The following UGT1A7 variants were observed in gnomAD, a reference collection of about 807,000 sequenced individuals.
The protein encoded by UGT1A7 is UDP-glucuronosyltransferase 1A7.
In UGT1A7, 33 loss-of-function variants were observed where a neutral mutation model predicts 45.6. That is an observed-to-expected ratio of 0.72 (90% CI 0.55 to 0.97). The LOEUF (loss-of-function observed/expected upper bound fraction) is 0.97. Among genes scored for constraint, UGT1A7 ranks in the 50% least tolerant of loss-of-function variants. The probability of loss-of-function intolerance (pLI) is 0.00; values close to 1 mark genes in which losing one functional copy is unlikely to be tolerated. For synonymous variants in UGT1A7, 274 were observed against 250.6 expected (o/e 1.09, Z -0.88); for missense variants, 684 against 666.2 (o/e 1.03, Z -0.29).
intron 1 of UGT1A7, among the ~76,000 whole-genome samples, chr2:233,740,002 A>AAGTG (rs1284523350): frequency 6.6e-6 from 1 of 151,788 alleles, no homozygotes; most frequent in Admixed American, 6.5e-5. Context: ...TTGTCATACT[A>AAGTG]AGTGAGTTCT....
At chr2:233,739,813 T>G (rs1439144869) in intron 1 of UGT1A7, among the ~76,000 whole-genome samples, 1 of 151,900 alleles carries the variant, frequency 6.6e-6, no homozygotes, top group Non-Finnish European at 1.5e-5. Context: ...GCATGATTGG[T>G]TTTTAAATGT....
intron 1 of UGT1A7, among the ~76,000 whole-genome samples, chr2:233,724,330 C>T (rs1214568164): frequency 2.8e-4 from 34 of 121,600 alleles, no homozygotes; most frequent in South Asian, 1.2e-3. Context: ...GCTGGCCAGG[C>T]GGGGGGCTGA....
At chr2:233,724,277 C>G (rs1162056701) in intron 1 of UGT1A7, among the ~76,000 whole-genome samples, 11 of 115,820 alleles carry the variant, frequency 9.5e-5, no homozygotes, top group African/African-American at 3.2e-4. Context: ...GGCGGCTGGC[C>G]GGGCGGGGGG....
In UGT1A7 at chr2:233,682,799, T is replaced by A. The variant is rs749393372; in HGVS notation, c.855+7T>A. On this transcript the variant is annotated splice_region_variant and intron_variant, in intron 1 of 4. Transcript: ENST00000373426. ...GGGAAAGCCAGTGCCTATGGTAAGT[T>A]ATCTCCCCTTTAGCACATTAAGAAT... 6.2e-7 allele frequency: 1 copy of A among 1,609,822 alleles called. No homozygotes were observed.
At chr2:233,730,798 G>T (rs772379862) in intron 1 of UGT1A7, among the ~76,000 whole-genome samples, 4 of 152,122 alleles carry the variant, frequency 2.6e-5, no homozygotes, top group Non-Finnish European at 5.9e-5. Flanking sequence ...AGTGATGAAT[G>T]GACATGCGTC....
At chr2:233,726,721 T>C (rs17864697) in intron 1 of UGT1A7, among the ~76,000 whole-genome samples, 20,956 of 152,216 alleles carry the variant, frequency 0.14, 1,603 homozygotes, top group East Asian at 0.2. Context: ...GGAAGTACAA[T>C]GTAGATACTT....
At chr2:233,757,782 T>A (rs935250846) in intron 1 of UGT1A7, among the ~76,000 whole-genome samples, 4 of 151,680 alleles carry the variant, frequency 2.6e-5, no homozygotes, top group Admixed American at 6.6e-5. Context: ...AGCCTGTCAT[T>A]CTGATTTGAT....
intron 1 of UGT1A7, among the ~76,000 whole-genome samples, chr2:233,685,381 G>C (rs1450820736): frequency 1.3e-5 from 2 of 152,102 alleles, no homozygotes; most frequent in Non-Finnish European, 2.9e-5. Flanking sequence ...CACTTTTCTT[G>C]ACTTGTTGGT....
At chr2:233,683,478 T>G (rs1291530429) in intron 1 of UGT1A7, among the ~76,000 whole-genome samples, 1 of 152,124 alleles carries the variant, frequency 6.6e-6, no homozygotes, top group Non-Finnish European at 1.5e-5. Context: ...TATTTTCATA[T>G]TTTTGCTTTT....
intron 1 of UGT1A7, chr2:233,718,844 C>G (rs1382357882): frequency 6.2e-7 from 1 of 1,613,706 alleles, no homozygotes; most frequent in Non-Finnish European, 8.5e-7. Flanking sequence ...TCCAGGTTCC[C>G]CTGCCGCGGC....
chr2:233,729,701 C>G, intron 1 of UGT1A7: 1 of 1,613,960 alleles, frequency 6.2e-7, no homozygotes. Flanking sequence ...AACCCTTCCT[C>G]CTATATTCCT....
intron 1 of UGT1A7, among the ~76,000 whole-genome samples, chr2:233,699,292 C>T (rs2075496575): frequency 6.6e-6 from 1 of 152,182 alleles, no homozygotes; most frequent in African/African-American, 2.4e-5. Context: ...GATGCTGGGA[C>T]ACTCTTATGC....
Position 233,769,129 on chromosome 2 carries a change from C to T in UGT1A7, c.1295+690C>T, listed in dbSNP as rs1228379721. Among the ~76,000 whole-genome samples, 1 of 152,120 alleles carries T rather than the reference C, an allele frequency of 6.6e-6. No homozygotes were observed. The highest frequency in any genetic ancestry group is 1.9e-4 in the East Asian group (1 of 5,198). On this transcript the variant is annotated intron_variant, in intron 4 of 4. Coordinates refer to ENST00000373426, the MANE Select transcript of UGT1A7 (RefSeq NM_019077.3). This position sits in a 1 kb window ranked among gnomAD's most constrained non-coding sequence, Gnocchi z 4.4. ...AAAACAACTCAAATGCTTAGAAGTA[C>T]AGCTTTTTGCAGCACTGGAACCTGT...
At chr2:233,768,734 C>T (rs1487456172) in intron 4 of UGT1A7, among the ~76,000 whole-genome samples, 1 of 151,720 alleles carries the variant, frequency 6.6e-6, no homozygotes, top group Non-Finnish European at 1.5e-5. Context: ...AGGTGTCCAC[C>T]ACCACGCCCG....
At chr2:233,766,428 A>G (rs1336103880) in intron 1 of UGT1A7, among the ~76,000 whole-genome samples, 1 of 152,116 alleles carries the variant, frequency 6.6e-6, no homozygotes, top group African/African-American at 2.4e-5. Context: ...CCCGATGTCC[A>G]GCTACCTGTG....
intron 1 of UGT1A7, among the ~76,000 whole-genome samples, chr2:233,695,289 C>A (rs1480722237): frequency 6.6e-6 from 1 of 151,960 alleles, no homozygotes; most frequent in Non-Finnish European, 1.5e-5. Context: ...CCATTCCCAG[C>A]TAATTTTTGC....
At chr2:233,703,162 A>G (rs886664238) in intron 1 of UGT1A7, among the ~76,000 whole-genome samples, 3 of 152,012 alleles carry the variant, frequency 2.0e-5, no homozygotes, top group African/African-American at 7.3e-5. Flanking sequence ...TTTCTTCTTG[A>G]TTCAATTTCA....
rs574418679 is a variant in UGT1A7 at position 233,719,623 on chromosome 2, C to T, written c.855+36831C>T. 4.0e-5 allele frequency: 64 copies of T among 1,614,006 alleles called. No individual in the cohort carries two copies. The highest frequency in any genetic ancestry group is 2.3e-4 in the African/African-American group (17 of 75,004). On this transcript the variant is annotated intron_variant, in intron 1 of 4. Transcript: ENST00000373426. ...GACTTTGTGATGGACTACCCCAGGC[C>T]GATCATGCCCAACATGGTCTTCATT...
At chr2:233,721,865 G>T in intron 1 of UGT1A7, 1 of 504,992 alleles carries the variant, frequency 2.0e-6, no homozygotes, top group South Asian at 1.4e-5. Context: ...TCGGCCCTGG[G>T]CACACTTGCC....
Sources: allele counts gnomAD v4.1 joint callset (sites outside exome capture counted in the v4.1 genomes callset), GRCh38; gene constraint gnomAD v4.1.1; non-coding constraint Gnocchi (gnomAD v3.1); transcripts MANE v1.5; gene names NCBI Gene and HGNC (gene_info 2026-07-23, HGNC 2026-07-21).